The following UBE2E2 variants were observed in gnomAD, a reference collection of about 807,000 sequenced individuals.
The protein encoded by UBE2E2 is ubiquitin conjugating enzyme E2 E2.
UBE2E2 carries 6 observed loss-of-function variants against 24.7 expected under a neutral mutation model. The observed-to-expected ratio is 0.24, with a 90% CI of 0.13 to 0.48. UBE2E2 has a LOEUF of 0.48. UBE2E2 is among the 20% of genes least tolerant of loss of function. The pLI is 0.99. For synonymous variants in UBE2E2, 104 were observed against 83.6 expected (o/e 1.24, Z -1.33); for missense variants, 169 against 245.0 (o/e 0.69, Z 2.07).
intron 3 of UBE2E2, among the ~76,000 whole-genome samples, chr3:23,371,723 T>C (rs1696403479): frequency 6.6e-6 from 1 of 152,164 alleles, no homozygotes; most frequent in South Asian, 2.1e-4. Context: ...TTCTGAATAA[T>C]AATAGAGATA....
At chr3:23,576,320 G>A (rs1696345713) in intron 5 of UBE2E2, among the ~76,000 whole-genome samples, 1 of 152,084 alleles carries the variant, frequency 6.6e-6, no homozygotes, top group Non-Finnish European at 1.5e-5. Flanking sequence ...ATTAATCAAA[G>A]ATACAGTGGA....
intron 3 of UBE2E2, among the ~76,000 whole-genome samples, chr3:23,319,340 G>C (rs1694678650): frequency 6.6e-6 from 1 of 152,188 alleles, no homozygotes; most frequent in South Asian, 2.1e-4. Context: ...AGTGAGAACA[G>C]TTATAGGTGA....
At chr3:23,435,607 T>C (rs1257306740) in intron 3 of UBE2E2, among the ~76,000 whole-genome samples, 1 of 152,130 alleles carries the variant, frequency 6.6e-6, no homozygotes, top group Non-Finnish European at 1.5e-5. Flanking sequence ...AGTAAACAAC[T>C]AGGAGCTATG....
chr3:23,478,689 C>G (rs1457352317), intron 3 of UBE2E2, among the ~76,000 whole-genome samples: 2 of 152,116 alleles, frequency 1.3e-5, no homozygotes, highest in East Asian at 3.9e-4. Flanking sequence ...CAAATCTGTT[C>G]TCATTTGATC....
intron 3 of UBE2E2, among the ~76,000 whole-genome samples, chr3:23,336,636 C>T (rs1302201922): frequency 6.6e-6 from 1 of 152,014 alleles, no homozygotes; most frequent in Admixed American, 6.6e-5. Flanking sequence ...AGCAGGCTAA[C>T]GTAGATATTG....
At chr3:23,454,366 C>G (rs914608895) in intron 3 of UBE2E2, among the ~76,000 whole-genome samples, 2 of 152,174 alleles carry the variant, frequency 1.3e-5, no homozygotes, top group African/African-American at 4.8e-5. Flanking sequence ...AAAGGTGCCA[C>G]CCATGAATGC....
intron 4 of UBE2E2, among the ~76,000 whole-genome samples, chr3:23,515,537 A>G (rs1389289356): frequency 6.6e-6 from 1 of 152,174 alleles, no homozygotes; most frequent in Non-Finnish European, 1.5e-5. Flanking sequence ...TTGGACATGG[A>G]TACCATCTCC....
chr3:23,497,147 A>G (rs547438381), intron 3 of UBE2E2, among the ~76,000 whole-genome samples: 32 of 152,322 alleles, frequency 2.1e-4, no homozygotes, highest in African/African-American at 7.7e-4. Flanking sequence ...AACCACAACT[A>G]CAGACCTCAA....
chr3:23,571,934 CT>C (rs1441796518), intron 5 of UBE2E2, among the ~76,000 whole-genome samples: 3 of 152,146 alleles, frequency 2.0e-5, no homozygotes, highest in Admixed American at 1.3e-4. Context: ...CCTTTCTCTT[CT>C]TTTTCATGTT....
chr3:23,513,251 T>A (rs764556929), intron 4 of UBE2E2, among the ~76,000 whole-genome samples: 27 of 152,228 alleles, frequency 1.8e-4, no homozygotes, highest in Non-Finnish European at 3.8e-4. Flanking sequence ...AGGTAATATA[T>A]ATACACAGTA....
chr3:23,229,123 A>G (rs1302455770), intron 3 of UBE2E2, among the ~76,000 whole-genome samples: 1 of 152,218 alleles, frequency 6.6e-6, no homozygotes, highest in Non-Finnish European at 1.5e-5. Flanking sequence ...TTCAGGTAGC[A>G]TTCAGTTCAG....
intron 3 of UBE2E2, among the ~76,000 whole-genome samples, chr3:23,296,201 G>T (rs886902324): frequency 1.3e-5 from 2 of 152,068 alleles, no homozygotes; most frequent in Non-Finnish European, 2.9e-5. Flanking sequence ...TAAAACTCAT[G>T]ATCTTATTGT....
chr3:23,277,882 G>C (rs1698405426), intron 3 of UBE2E2, among the ~76,000 whole-genome samples: 1 of 152,054 alleles, frequency 6.6e-6, no homozygotes, highest in Non-Finnish European at 1.5e-5. Context: ...CTGATTTCTA[G>C]ACTAGTGAGA....
At chr3:23,555,260 A>G (rs1480430817) in intron 5 of UBE2E2, among the ~76,000 whole-genome samples, 2 of 152,198 alleles carry the variant, frequency 1.3e-5, no homozygotes, top group Non-Finnish European at 2.9e-5. Flanking sequence ...AAAATGGCCA[A>G]TAAGTATATG....
chr3:23,293,940 CTCTT>C (rs968050138), intron 3 of UBE2E2, among the ~76,000 whole-genome samples: 2 of 152,152 alleles, frequency 1.3e-5, no homozygotes, highest in African/African-American at 4.8e-5. Flanking sequence ...GCATAGCGAG[CTCTT>C]TGTCTCTTTA....
intron 3 of UBE2E2, among the ~76,000 whole-genome samples, chr3:23,390,924 A>T (rs1696919605): frequency 6.6e-6 from 1 of 152,228 alleles, no homozygotes; most frequent in African/African-American, 2.4e-5. Flanking sequence ...GTAATCATTC[A>T]ATTTGAATAA....
At chr3:23,462,639 G>A (rs1698828053) in intron 3 of UBE2E2, among the ~76,000 whole-genome samples, 1 of 152,142 alleles carries the variant, frequency 6.6e-6, no homozygotes, top group Admixed American at 6.6e-5. Flanking sequence ...ACACCTGGGT[G>A]CTACAAGGCT....
At chr3:23,421,350 T>G (rs1170620513) in intron 3 of UBE2E2, among the ~76,000 whole-genome samples, 3 of 152,164 alleles carry the variant, frequency 2.0e-5, no homozygotes, top group Non-Finnish European at 4.4e-5. Flanking sequence ...GGAATTAACC[T>G]AGGTTTCCAT....
rs1575466085 is a variant in UBE2E2 at position 23,203,450 on chromosome 3, A to T, written c.-23A>T. 1 of 871,794 alleles carries T rather than the reference A, an allele frequency of 1.1e-6. No homozygotes were observed. Among genetic ancestry groups the T allele is most frequent in the Non-Finnish European group, 1.3e-6 (1 of 783,076 alleles). 54.0% of individuals were successfully genotyped at this position (871,794 alleles called of 1,614,324 possible). Reference sequence around the variant, plus strand: ...CGGCTCGAGCCTGCGACCTGCACGGACACCCCCCCCTCAGGTATTCGCTCG... The same window carrying T: ...CGGCTCGAGCCTGCGACCTGCACGGTCACCCCCCCCTCAGGTATTCGCTCG... On this transcript the variant is annotated 5_prime_UTR_variant, in exon 1 of 6. Coordinates refer to ENST00000396703, the MANE Select transcript of UBE2E2 (RefSeq NM_152653.4).
Sources: gnomAD v4.1 joint callset for allele counts (sites outside exome capture counted in the v4.1 genomes callset) on GRCh38, gnomAD v4.1.1 for gene constraint, MANE v1.5 for transcripts, NCBI Gene and HGNC (gene_info 2026-07-23, HGNC 2026-07-21) for gene names.